Variants in VSTM4 observed in about 807,000 individuals in gnomAD.
VSTM4 encodes the protein V-set and transmembrane domain containing 4.
A neutral mutation model predicts 36.4 loss-of-function variants in VSTM4; 20 were observed. That is an observed-to-expected ratio of 0.55 (90% CI 0.39 to 0.80). The LOEUF (loss-of-function observed/expected upper bound fraction) is 0.80, where lower values mean the gene tolerates loss of function less well. Among genes scored for constraint, VSTM4 ranks in the 30% least tolerant of loss-of-function variants. VSTM4 has a pLI of 0.00. For synonymous variants in VSTM4, 182 were observed against 173.9 expected (o/e 1.05, Z -0.37); for missense variants, 392 against 404.5 (o/e 0.97, Z 0.26).
intron 4 of VSTM4, among the ~76,000 whole-genome samples, chr10:49,065,597 G>A (rs1162013902): frequency 6.6e-6 from 1 of 152,094 alleles, no homozygotes; most frequent in East Asian, 1.9e-4. Flanking sequence ...CTAGCCTACT[G>A]GAAGATGAGA....
At chr10:49,107,465 C>A in intron 2 of VSTM4, 129 bp downstream of exon 2, 2 of 1,222,190 alleles carry the variant, frequency 1.6e-6, no homozygotes, top group South Asian at 1.6e-5. Context: ...TGTCTGTGAC[C>A]AACAGAGGCC....
chr10:49,055,734 A>G (rs1843768320), intron 5 of VSTM4, among the ~76,000 whole-genome samples: 1 of 152,220 alleles, frequency 6.6e-6, no homozygotes, highest in Non-Finnish European at 1.5e-5. Context: ...CACTTTCAAG[A>G]TGGATGAATG....
intron 4 of VSTM4, among the ~76,000 whole-genome samples, chr10:49,073,062 A>C (rs1055923864): frequency 6.6e-6 from 1 of 152,242 alleles, no homozygotes; most frequent in Admixed American, 6.5e-5. Flanking sequence ...TGACCACCTT[A>C]AAACAAGGCC....
intron 2 of VSTM4, chr10:49,103,795 A>G (rs1023606558): frequency 6.2e-7 from 1 of 1,614,136 alleles, no homozygotes; most frequent in African/African-American, 1.3e-5. Context: ...AAGGGCAAAG[A>G]GTGAGGTAGT....
intron 1 of VSTM4, among the ~76,000 whole-genome samples, chr10:49,114,413 G>T (rs11100987): frequency 0.035 from 5,273 of 152,218 alleles, 247 homozygotes; most frequent in South Asian, 0.12. Flanking sequence ...AGTGGTTATT[G>T]ACAGAGCCCA....
chr10:49,053,190 G>T (rs749860772), intron 5 of VSTM4, among the ~76,000 whole-genome samples: 5 of 152,242 alleles, frequency 3.3e-5, no homozygotes, highest in Non-Finnish European at 5.9e-5. Context: ...AGAGCTGTTT[G>T]ATTAGAGAGA....
intron 5 of VSTM4, among the ~76,000 whole-genome samples, chr10:49,053,479 C>T (rs1375649632): frequency 6.6e-6 from 1 of 152,196 alleles, no homozygotes; most frequent in African/African-American, 2.4e-5. Flanking sequence ...TCACTTACTT[C>T]CCCGGGCTTC....
Position 49,107,724 on chromosome 10 carries a change from G to T in VSTM4, c.327C>A (p.Leu109=). The T allele has an allele frequency of 6.2e-7, 1 of 1,614,168 alleles. No individual in the cohort carries two copies. The highest frequency in any genetic ancestry group is 8.5e-7 in the Non-Finnish European group (1 of 1,180,030). The change falls in exon 2 of 8, where the codon CTC becomes CTA. Residue 109 remains leucine, a synonymous_variant. Coordinates refer to ENST00000332853, the MANE Select transcript of VSTM4 (RefSeq NM_001031746.5). ...LRLLEEQRGA[L]YRLSVLTLQP... ...GCAGTGTCAAGACGGAGAGCCTGTAGAGCGCCCCCCGCTGCTCCTCCAGCA... is the reference window on the plus strand; with the variant it reads ...GCAGTGTCAAGACGGAGAGCCTGTATAGCGCCCCCCGCTGCTCCTCCAGCA...
intron 4 of VSTM4, among the ~76,000 whole-genome samples, chr10:49,072,466 T>G (rs1049901953): frequency 1.3e-5 from 2 of 152,182 alleles, no homozygotes; most frequent in East Asian, 3.8e-4. Context: ...ACTTGTTCCT[T>G]GCTTGCTTGG....
intron 5 of VSTM4, among the ~76,000 whole-genome samples, chr10:49,053,890 C>A (rs967569829): frequency 1.3e-5 from 2 of 152,238 alleles, no homozygotes; most frequent in Non-Finnish European, 2.9e-5. Context: ...GAGCGATGGG[C>A]AGCCACTCCA....
chr10:49,080,488 T>C (rs1236896493), intron 3 of VSTM4, among the ~76,000 whole-genome samples: 1 of 152,254 alleles, frequency 6.6e-6, no homozygotes, highest in Non-Finnish European at 1.5e-5. Flanking sequence ...TAAGCTAGTT[T>C]GAATAGATTT....
intron 7 of VSTM4, among the ~76,000 whole-genome samples, chr10:49,039,976 C>T (rs555500114): frequency 6.6e-6 from 1 of 152,346 alleles, no homozygotes; most frequent in African/African-American, 2.4e-5. Context: ...GTGTGTGAAT[C>T]AGCTCCAAGG....
At chr10:49,039,492 G>A (rs1843486283) in intron 7 of VSTM4, among the ~76,000 whole-genome samples, 1 of 152,158 alleles carries the variant, frequency 6.6e-6, no homozygotes, top group South Asian at 2.1e-4. Context: ...AACGTGCAGT[G>A]ATTAAGCCTG....
intron 7 of VSTM4, among the ~76,000 whole-genome samples, chr10:49,037,038 T>C (rs1441189664): frequency 6.6e-6 from 1 of 152,212 alleles, no homozygotes; most frequent in Non-Finnish European, 1.5e-5. Context: ...CAAGGCTACA[T>C]ATACCTGGTT....
intron 5 of VSTM4, among the ~76,000 whole-genome samples, chr10:49,051,552 T>C (rs1461776831): frequency 6.6e-6 from 1 of 152,146 alleles, no homozygotes; most frequent in Non-Finnish European, 1.5e-5. Flanking sequence ...CCTGCCACCA[T>C]GCCCAGCTAA....
In VSTM4 at chr10:49,019,731, C is replaced by T. The variant is rs532931963; in HGVS notation, c.882G>A (p.Leu294=). ...EENLTYAELE[L]IKPHRAAKGA... ...CTTTGGCAGCCCGGTGGGGTTTGATCAGCTCCAGTTCGGCATAGGTTAAGT... is the reference window on the plus strand; with the variant it reads ...CTTTGGCAGCCCGGTGGGGTTTGATTAGCTCCAGTTCGGCATAGGTTAAGT... The change falls in exon 8 of 8, where the codon CTG becomes CTA. Residue 294 remains leucine (L), a synonymous_variant. Coordinates refer to ENST00000332853, the MANE Select transcript of VSTM4 (RefSeq NM_001031746.5). 1.2e-6 allele frequency: 2 copies of T among 1,613,918 alleles called. No individual in the cohort carries two copies. Among genetic ancestry groups the T allele is most frequent in the African/African-American group, 1.3e-5 (1 of 75,030 alleles).
At chr10:49,062,666 C>T (rs1843900178) in intron 5 of VSTM4, among the ~76,000 whole-genome samples, 1 of 152,170 alleles carries the variant, frequency 6.6e-6, no homozygotes, top group Admixed American at 6.5e-5. Context: ...GAGTTTTCAG[C>T]CATTATTTCT....
chr10:49,064,777 A>C, intron 4 of VSTM4, 41 bp from the exon 5 acceptor site: 1 of 1,593,780 alleles, frequency 6.3e-7, no homozygotes, highest in South Asian at 1.1e-5. Flanking sequence ...AACCAATGCT[A>C]CTTCAGATAT....
rs545480812 is a variant in VSTM4 at position 49,058,342 on chromosome 10, A to G, written c.668+6361T>C. Among the ~76,000 whole-genome samples, 5 of 152,246 alleles carry G rather than the reference A, an allele frequency of 3.3e-5. No homozygotes were observed. The South Asian group carries it at 1.0e-3, about 32-fold the overall frequency. ...AAGAAGGCATCTGGATCCATTGGAG[A>G]GTCATTGCAGAATGGACTGCATCAC... On this transcript the variant is annotated intron_variant, in intron 5 of 7. Transcript: ENST00000332853.
Sources: gnomAD v4.1 joint callset for allele counts (sites outside exome capture counted in the v4.1 genomes callset) on GRCh38, gnomAD v4.1.1 for gene constraint, MANE v1.5 for transcripts, NCBI Gene and HGNC (gene_info 2026-07-23, HGNC 2026-07-21) for gene names.